TYR: variants seen among roughly 807,000 people sequenced by gnomAD.
The protein encoded by TYR is tyrosinase, also known as LB24-AB.
Under a neutral mutation model 51.5 loss-of-function variants are expected in TYR, and 58 were observed. The observed-to-expected ratio is 1.13, with a 90% CI of 0.91 to 1.40. The LOEUF is 1.40. Among genes scored for constraint, TYR ranks in the 40% most tolerant of loss-of-function variants. The probability of loss-of-function intolerance (pLI) is 0.00; values close to 1 mark genes in which losing one functional copy is unlikely to be tolerated. For synonymous variants in TYR, 263 were observed against 235.2 expected (o/e 1.12, Z -1.08); for missense variants, 732 against 647.4 (o/e 1.13, Z -1.42).
intron 3 of TYR, among the ~76,000 whole-genome samples, chr11:89,252,477 A>G (rs551030649): frequency 2.8e-4 from 42 of 151,680 alleles, no homozygotes; most frequent in Non-Finnish European, 5.0e-4. Flanking sequence ...TAAATCAAAG[A>G]CCCTAGAAAT....
chr11:89,213,225 C>A (rs957410455), intron 2 of TYR, among the ~76,000 whole-genome samples: 4 of 152,130 alleles, frequency 2.6e-5, no homozygotes, highest in Admixed American at 6.5e-5. Flanking sequence ...AGCTGATAAG[C>A]AACTTCAGAA....
At chr11:89,200,135 GTGCAATCT>G (rs1443493286) in intron 2 of TYR, 1 of 152,204 alleles carries the variant, frequency 6.6e-6, no homozygotes, top group Non-Finnish European at 1.5e-5. Flanking sequence ...GAATGCAACG[GTGCAATCT>G]TGGCTCACTG....
At chr11:89,252,247 A>C (rs1944339406) in intron 3 of TYR, among the ~76,000 whole-genome samples, 1 of 151,846 alleles carries the variant, frequency 6.6e-6, no homozygotes, top group African/African-American at 2.4e-5. Context: ...AGGAAAATTT[A>C]TTTTACATGC....
intron 3 of TYR, among the ~76,000 whole-genome samples, chr11:89,262,059 A>AT (rs1172109969): frequency 6.6e-6 from 1 of 151,964 alleles, no homozygotes; most frequent in African/African-American, 2.4e-5. Flanking sequence ...AATGACAGAG[A>AT]TTTTTTATTT....
At chr11:89,210,350 A>G (rs1943736642) in intron 2 of TYR, among the ~76,000 whole-genome samples, 1 of 114,946 alleles carries the variant, frequency 8.7e-6, no homozygotes. Flanking sequence ...AGATTCAATC[A>G]AGAGGAAGAA....
intron 2 of TYR, among the ~76,000 whole-genome samples, chr11:89,212,229 A>G (rs1943768823): frequency 6.6e-6 from 1 of 152,210 alleles, no homozygotes; most frequent in South Asian, 2.1e-4. Flanking sequence ...AATCAAATAT[A>G]TGCAATAAGA....
chr11:89,246,738 C>T (rs987186024), intron 3 of TYR, among the ~76,000 whole-genome samples: 3 of 152,078 alleles, frequency 2.0e-5, no homozygotes, highest in African/African-American at 7.2e-5. Context: ...TGTCCTAACC[C>T]ACATGCCTTC....
At chr11:89,284,710 A>T in intron 3 of TYR, 63 bp from the exon 4 acceptor site, 2 of 1,525,448 alleles carry the variant, frequency 1.3e-6, no homozygotes, top group South Asian at 1.1e-5. Flanking sequence ...TACTTTAAAA[A>T]TTTTCAAATG....
chr11:89,204,477 TC>T (rs1310193725), intron 2 of TYR, among the ~76,000 whole-genome samples: 2 of 151,748 alleles, frequency 1.3e-5, no homozygotes, highest in Non-Finnish European at 1.5e-5. Flanking sequence ...CACTGCAACC[TC>T]CACCTCCCAG....
At chr11:89,260,396 A>G (rs996958888) in intron 3 of TYR, among the ~76,000 whole-genome samples, 10 of 152,138 alleles carry the variant, frequency 6.6e-5, no homozygotes, top group African/African-American at 2.4e-4. Flanking sequence ...CAGAAAACAA[A>G]GGATTGGCAT....
chr11:89,286,955 G>A (rs556381260), intron 4 of TYR, among the ~76,000 whole-genome samples: 33 of 151,748 alleles, frequency 2.2e-4, no homozygotes, highest in Non-Finnish European at 3.8e-4. Context: ...TCCAAAACAC[G>A]CTAGACTTTC....
At chr11:89,224,112 G>A (rs868093648) in intron 2 of TYR, among the ~76,000 whole-genome samples, 6 of 152,060 alleles carry the variant, frequency 3.9e-5, no homozygotes, top group South Asian at 2.1e-4. Flanking sequence ...TGAAGTTTAG[G>A]AAGGAGGGAG....
At chr11:89,253,663 G>A (rs1944356037) in intron 3 of TYR, among the ~76,000 whole-genome samples, 1 of 151,360 alleles carries the variant, frequency 6.6e-6, no homozygotes, top group African/African-American at 2.4e-5. Flanking sequence ...ACTGATTTGT[G>A]TACATTAATT....
At position 89,191,333 on chromosome 11, in the gene TYR, T is replaced by C; in HGVS notation, c.951T>C (p.Asp317=). ...SRTPRLPSSA[D]VEFCLSLTQY... ...CCCCAAGGCTCCCCTCTTCAGCTGATGTAGAATTTTGCCTGAGTTTGACCC... is the reference window on the plus strand; with the variant it reads ...CCCCAAGGCTCCCCTCTTCAGCTGACGTAGAATTTTGCCTGAGTTTGACCC... Residue 317 remains aspartate (D), a synonymous_variant, in exon 2 of 5, where the codon GAT becomes GAC. Coordinates refer to ENST00000263321, the MANE Select transcript of TYR (RefSeq NM_000372.5). The C allele has an allele frequency of 6.2e-7, 1 of 1,613,770 alleles. No individual in the cohort carries two copies. The highest frequency in any genetic ancestry group is 8.5e-7 in the Non-Finnish European group (1 of 1,179,792).
At chr11:89,234,632 T>G (rs962890380) in intron 3 of TYR, among the ~76,000 whole-genome samples, 3 of 142,078 alleles carry the variant, frequency 2.1e-5, no homozygotes, top group Non-Finnish European at 4.5e-5. Context: ...AATCTCAATA[T>G]TTTTGTGTCT....
chr11:89,295,155 T>C lies in TYR; in HGVS notation c.1379T>C (p.Phe460Ser), dbSNP rs13312744. Residue 460 changes from phenylalanine (F) to serine (S), a missense_variant, in exon 5 of 5, where the codon TTT (phenylalanine) becomes TCT (serine). Coordinates refer to ENST00000263321, the MANE Select transcript of TYR (RefSeq NM_000372.5). ...SYLQDSDPDS[F>S]QDYIKSYLEQ... ...CTTTTTATTTCAGACCCAGACTCTT[T>C]TCAAGACTACATTAAGTCCTATTTG... The C allele has an allele frequency of 3.3e-4, 534 of 1,613,980 alleles. 4 individuals carry two copies. Among genetic ancestry groups the C allele is most frequent in the Middle Eastern group, 1.5e-3 (9 of 6,052 alleles).
chr11:89,205,417 T>C (rs1363768430), intron 2 of TYR, among the ~76,000 whole-genome samples: 1 of 152,110 alleles, frequency 6.6e-6, no homozygotes, highest in East Asian at 1.9e-4. Context: ...TTAAACCCAA[T>C]TTAATAAATC....
chr11:89,214,856 A>C (rs966826912), intron 2 of TYR, among the ~76,000 whole-genome samples: 1 of 152,208 alleles, frequency 6.6e-6, no homozygotes, highest in African/African-American at 2.4e-5. Flanking sequence ...TTTAGCATCA[A>C]ACATGCCTCA....
chr11:89,188,873 G>T (rs1300896665), intron 1 of TYR, among the ~76,000 whole-genome samples: 1 of 151,834 alleles, frequency 6.6e-6, no homozygotes, highest in Non-Finnish European at 1.5e-5. Context: ...AGAAGAGAGG[G>T]AAAGGGAAAG....
Sources: allele counts gnomAD v4.1 joint callset (sites outside exome capture counted in the v4.1 genomes callset), GRCh38; gene constraint gnomAD v4.1.1; transcripts MANE v1.5; gene names NCBI Gene and HGNC (gene_info 2026-07-23, HGNC 2026-07-21).